ITGA1: variants seen among roughly 807,000 people sequenced by gnomAD.
ITGA1 encodes integrin alpha-1.
Under a neutral mutation model 145.9 loss-of-function variants are expected in ITGA1, and 85 were observed. That is an observed-to-expected ratio of 0.58 (90% CI 0.49 to 0.70). The LOEUF (loss-of-function observed/expected upper bound fraction) is 0.70, where lower values mean the gene tolerates loss of function less well. Ranked by LOEUF, ITGA1 falls within the 30% of genes least tolerant of loss-of-function variation. The pLI, the probability that ITGA1 is intolerant of heterozygous loss-of-function variation, is 0.00. For synonymous variants in ITGA1, 520 were observed against 495.3 expected, an observed-to-expected ratio of 1.05 and a Z score of -0.66; for missense variants, 1,351 against 1,418.7, an observed-to-expected ratio of 0.95 and a Z score of 0.77.
chr5:52,938,965 C>T (rs889108105), intron 24 of ITGA1, among the ~76,000 whole-genome samples: 2 of 151,960 alleles, frequency 1.3e-5, no homozygotes, highest in African/African-American at 4.8e-5. Flanking sequence ...TGCAGTGGCG[C>T]GATCTTGGCT....
At chr5:52,890,761 G>A in intron 8 of ITGA1, among the ~76,000 whole-genome samples, 1 of 152,102 alleles carries the variant, frequency 6.6e-6, no homozygotes, top group East Asian at 1.9e-4. Context: ...TAGCTATTTT[G>A]AAATATACAA....
chr5:52,937,478 C>T lies in ITGA1; in HGVS notation c.3042C>T (p.Tyr1014=), dbSNP rs760100893. 1 of 1,612,960 alleles carries T rather than the reference C, an allele frequency of 6.2e-7. No homozygotes were observed. Among genetic ancestry groups the T allele is most frequent in the South Asian group, 1.1e-5 (1 of 91,050 alleles). Residue 1014 remains tyrosine, a synonymous_variant, in exon 24 of 29, where the codon TAC becomes TAT. Transcript: ENST00000282588. ...ISFPNMTSNG[Y]PVLYPTGLSS... is the part of the protein sequence containing the mutation. ...TCCCCAATATGACATCAAATGGTTA[C>T]CCTGTGCTGTACCCAACTGGATTGT...
intron 1 of ITGA1, among the ~76,000 whole-genome samples, chr5:52,813,565 C>A (rs1225918342): frequency 6.6e-6 from 1 of 152,188 alleles, no homozygotes; most frequent in Non-Finnish European, 1.5e-5. Flanking sequence ...TAGAAATCAC[C>A]TGTGTAAGGC....
rs192409247 is a variant in ITGA1 at position 52,895,363 on chromosome 5, T to G, written c.1090+1523T>G. 1.6e-3 allele frequency among the ~76,000 whole-genome samples: 245 copies of G among 152,270 alleles called. 1 individual carries two copies. Among genetic ancestry groups the G allele is most frequent in the African/African-American group, 5.6e-3 (232 of 41,562 alleles). On this transcript the variant is annotated intron_variant, in intron 9 of 28. Transcript: ENST00000282588. ...GTGTACAAGTCATTTTTAAGTGGCT[T>G]TGGTCTCTCAACAGCTCTCCCGGTG...
At chr5:52,872,283 A>G (rs2111788428) in intron 6 of ITGA1, among the ~76,000 whole-genome samples, 1 of 152,178 alleles carries the variant, frequency 6.6e-6, no homozygotes, top group East Asian at 1.9e-4. Flanking sequence ...ATGCAGCCAT[A>G]CCTTTGTCAG....
intron 1 of ITGA1, among the ~76,000 whole-genome samples, chr5:52,807,255 G>A (rs1054962320): frequency 1.7e-4 from 26 of 152,138 alleles, no homozygotes; most frequent in Admixed American, 1.5e-3. Context: ...GCTTTGCCCA[G>A]GGTTGGTACC....
intron 1 of ITGA1, among the ~76,000 whole-genome samples, chr5:52,843,284 TCTC>T (rs1369304734): frequency 4.6e-5 from 7 of 152,160 alleles, no homozygotes; most frequent in African/African-American, 1.4e-4. Flanking sequence ...TTCTATGATT[TCTC>T]CTATTTCTAA....
intron 9 of ITGA1, 138 bp from the exon 10 acceptor site, chr5:52,897,317 A>G (rs991459392): frequency 1.6e-6 from 1 of 622,556 alleles, no homozygotes; most frequent in Non-Finnish European, 2.8e-6. Context: ...TGAGAAATGT[A>G]TGGCTGAAAA....
At chr5:52,834,633 G>GA (rs1749133661) in intron 1 of ITGA1, among the ~76,000 whole-genome samples, 1 of 145,922 alleles carries the variant, frequency 6.9e-6, no homozygotes, top group Non-Finnish European at 1.5e-5. Context: ...GGGAGAGAAA[G>GA]AAAGACAGAA....
intron 7 of ITGA1, among the ~76,000 whole-genome samples, chr5:52,886,587 C>G (rs1269301152): frequency 6.6e-6 from 1 of 152,030 alleles, no homozygotes. Flanking sequence ...TACTTTAGTC[C>G]TAAATAAAAT....
chr5:52,917,206 G>A (rs1332465227), intron 15 of ITGA1, among the ~76,000 whole-genome samples: 2 of 152,180 alleles, frequency 1.3e-5, no homozygotes, highest in Non-Finnish European at 2.9e-5. Context: ...GACAATGGTC[G>A]AGGCAGCTTC....
chr5:52,924,404 C>T (rs1049344797), intron 18 of ITGA1, among the ~76,000 whole-genome samples: 5 of 152,086 alleles, frequency 3.3e-5, no homozygotes, highest in African/African-American at 1.2e-4. Context: ...AGAGGGGATG[C>T]TAAGTGTGAA....
At chr5:52,838,195 G>A (rs1285474021) in intron 1 of ITGA1, among the ~76,000 whole-genome samples, 2 of 152,176 alleles carry the variant, frequency 1.3e-5, no homozygotes, top group Non-Finnish European at 2.9e-5. Context: ...AAGTAGCTGG[G>A]AAGAAGCAAG....
intron 1 of ITGA1, among the ~76,000 whole-genome samples, chr5:52,835,946 C>T (rs1375672002): frequency 6.6e-6 from 1 of 152,024 alleles, no homozygotes; most frequent in South Asian, 2.1e-4. Flanking sequence ...TGAACTTTGC[C>T]GATAATTGTA....
At chr5:52,876,242 T>A (rs1056127027) in intron 6 of ITGA1, among the ~76,000 whole-genome samples, 1 of 152,224 alleles carries the variant, frequency 6.6e-6, no homozygotes, top group African/African-American at 2.4e-5. Flanking sequence ...TAAGCTAAGG[T>A]GAAATGGGAA....
rs978907509 is a variant in ITGA1 at position 52,957,447 on chromosome 5, T to C, written c.*4996T>C. On this transcript the variant is annotated 3_prime_UTR_variant, in exon 29 of 29. Coordinates refer to ENST00000282588, the MANE Select transcript of ITGA1 (RefSeq NM_181501.2). ...GACTCCTTGCTTTGAGATCGGTATT[T>C]TTTTCTCTCTCTTTACATATAGCAA... The C allele has an allele frequency of 6.6e-5, 10 of 152,140 alleles. No individual in the cohort carries two copies. Among genetic ancestry groups the C allele is most frequent in the African/African-American group, 2.4e-4 (10 of 41,416 alleles). 9.4% of individuals were successfully genotyped at this position (152,140 alleles called of 1,614,324 possible). A position where few individuals can be genotyped will look rare whatever the true frequency, so the allele number is the denominator to read the frequency against.
At chr5:52,860,024 C>T (rs1749573629) in intron 2 of ITGA1, among the ~76,000 whole-genome samples, 1 of 152,184 alleles carries the variant, frequency 6.6e-6, no homozygotes, top group African/African-American at 2.4e-5. Context: ...TGAGGGCTCC[C>T]ACATCCTGCA....
chr5:52,814,395 C>T (rs1182474196), intron 1 of ITGA1, among the ~76,000 whole-genome samples: 1 of 152,110 alleles, frequency 6.6e-6, no homozygotes, highest in Non-Finnish European at 1.5e-5. Flanking sequence ...ACCCCAGGCT[C>T]CCAAAGTGCT....
At chr5:52,844,812 GT>G (rs1266226057) in intron 1 of ITGA1, among the ~76,000 whole-genome samples, 4 of 152,070 alleles carry the variant, frequency 2.6e-5, no homozygotes, top group African/African-American at 9.7e-5. Flanking sequence ...TGGAGGCTCG[GT>G]TGTGAATAAG....
Sources: allele counts gnomAD v4.1 joint callset (sites outside exome capture counted in the v4.1 genomes callset), GRCh38; gene constraint gnomAD v4.1.1; transcripts MANE v1.5; gene names NCBI Gene and HGNC (gene_info 2026-07-23, HGNC 2026-07-21).